The following CPM variants were observed in gnomAD, a reference collection of about 807,000 sequenced individuals.
The protein encoded by CPM is carboxypeptidase M.
CPM carries 35 observed loss-of-function variants against 46.4 expected under a neutral mutation model. The ratio of observed to expected loss-of-function variants is 0.75; its 90% CI spans 0.58 to 1.00. CPM has a LOEUF of 1.00. CPM is among the 50% of genes least tolerant of loss of function. The pLI, the probability that CPM is intolerant of heterozygous loss-of-function variation, is 0.00. For missense variants in CPM, 422 were observed against 530.4 expected, an observed-to-expected ratio of 0.80 and a Z score of 2.01; for synonymous variants, 195 against 195.3, an observed-to-expected ratio of 1.00 and a Z score of 0.01.
intron 2 of CPM, among the ~76,000 whole-genome samples, chr12:68,915,316 C>T (rs1010512478): frequency 1.3e-5 from 2 of 152,148 alleles, no homozygotes; most frequent in Admixed American, 6.6e-5. Context: ...CATTAGAAAT[C>T]GTCATCAAAT....
At chr12:68,876,917 T>TGAGA (rs1309934232) in intron 3 of CPM, among the ~76,000 whole-genome samples, 1 of 50,440 alleles carries the variant, frequency 2.0e-5, no homozygotes, top group Non-Finnish European at 6.5e-5. Context: ...TGTGTGTGTG[T>TGAGA]GTGAGAGAGA....
intron 3 of CPM, among the ~76,000 whole-genome samples, chr12:68,882,964 T>G (rs1321659900): frequency 6.6e-6 from 1 of 152,254 alleles, no homozygotes; most frequent in African/African-American, 2.4e-5. Flanking sequence ...GTCTCCCTGA[T>G]GCAGCTGATG....
At chr12:68,872,603 T>C (rs913933668) in intron 3 of CPM, among the ~76,000 whole-genome samples, 1 of 152,132 alleles carries the variant, frequency 6.6e-6, no homozygotes, top group African/African-American at 2.4e-5. Context: ...CCAAAGTATC[T>C]TCTGGAGTGG....
chr12:68,899,278 A>T (rs1887017151), intron 2 of CPM, among the ~76,000 whole-genome samples: 1 of 152,240 alleles, frequency 6.6e-6, no homozygotes, highest in Non-Finnish European at 1.5e-5. Flanking sequence ...TTACTTTTTC[A>T]ACTCCAAGGA....
intron 1 of CPM, among the ~76,000 whole-genome samples, chr12:68,946,537 G>A (rs2136333092): frequency 1.3e-5 from 2 of 152,266 alleles, no homozygotes; most frequent in East Asian, 3.9e-4. Context: ...CTATCAGAAA[G>A]GGACATTTTT....
At chr12:68,868,096 C>G (rs1168663504) in intron 6 of CPM, among the ~76,000 whole-genome samples, 1 of 152,184 alleles carries the variant, frequency 6.6e-6, no homozygotes, top group African/African-American at 2.4e-5. Context: ...TAGCTAATTT[C>G]CTACACATCT....
chr12:68,885,262 T>C (rs1261428493), intron 3 of CPM, among the ~76,000 whole-genome samples: 1 of 152,070 alleles, frequency 6.6e-6, no homozygotes, highest in African/African-American at 2.4e-5. Flanking sequence ...TGTTGAATGG[T>C]GAGTAGGAGA....
At position 68,852,631 on chromosome 12, in the gene CPM, AC is replaced by A. The variant is rs1183469470; in HGVS notation, c.*3805del. ...CAGTGCAGTGATGTGATCTTGGCTC[AC>A]TGCAACCTCTGCCTTCTGGGTTCAG... On this transcript the variant is annotated 3_prime_UTR_variant, in exon 9 of 9. Coordinates refer to ENST00000551568, the MANE Select transcript of CPM (RefSeq NM_198320.5). 6.7e-6 allele frequency: 1 copy of A among 149,944 alleles called. No homozygotes were observed. Among genetic ancestry groups the A allele is most frequent in the Non-Finnish European group, 1.5e-5 (1 of 67,798 alleles). The allele number at this position is 149,944 out of a possible 1,614,324, so 9.3% of individuals were successfully genotyped here. A position where few individuals can be genotyped will look rare whatever the true frequency, so the allele number is the denominator to read the frequency against.
intron 1 of CPM, among the ~76,000 whole-genome samples, chr12:68,963,002 C>T (rs545797068): frequency 2.6e-5 from 4 of 152,356 alleles, no homozygotes; most frequent in African/African-American, 7.2e-5. Context: ...AAAACAAAGT[C>T]GTGGCCTGAC....
At chr12:68,916,520 GGTTT>G (rs1887810856) in intron 2 of CPM, among the ~76,000 whole-genome samples, 1 of 152,102 alleles carries the variant, frequency 6.6e-6, no homozygotes, top group African/African-American at 2.4e-5. Flanking sequence ...GTGGCGCTCT[GGTTT>G]ATTTACCCTG....
intron 3 of CPM, among the ~76,000 whole-genome samples, chr12:68,875,432 T>C (rs1885905652): frequency 6.6e-6 from 1 of 152,146 alleles, no homozygotes; most frequent in Non-Finnish European, 1.5e-5. Flanking sequence ...CATAAAATAC[T>C]ATCAAAAGTT....
At chr12:68,874,714 G>A (rs1380084789) in intron 3 of CPM, among the ~76,000 whole-genome samples, 1 of 152,188 alleles carries the variant, frequency 6.6e-6, no homozygotes, top group African/African-American at 2.4e-5. Context: ...AAGTGACCAG[G>A]AGTCCCATAG....
At chr12:68,863,716 GC>G (rs1000092329) in intron 7 of CPM, among the ~76,000 whole-genome samples, 8 of 152,146 alleles carry the variant, frequency 5.3e-5, no homozygotes, top group Non-Finnish European at 8.8e-5. Context: ...TCTTGGCAAG[GC>G]CCTTCCACTA....
downstream of CPM, chr12:68,847,196 T>TATATATATATATATATATA (rs1884363867): frequency 7.6e-5 from 7 of 92,080 alleles, 1 homozygote; most frequent in Non-Finnish European, 1.5e-4. Context: ...TGTGTGTACA[T>TATATATATATATATATATA]TATATATATA....
intron 1 of CPM, among the ~76,000 whole-genome samples, chr12:68,944,254 G>A (rs953731062): frequency 1.3e-5 from 2 of 152,102 alleles, no homozygotes; most frequent in Non-Finnish European, 2.9e-5. Context: ...TGAATACCAT[G>A]GTGTAAAAGA....
intron 3 of CPM, among the ~76,000 whole-genome samples, chr12:68,876,919 TGA>T (rs934166312): frequency 2.8e-3 from 186 of 66,024 alleles, no homozygotes; most frequent in African/African-American, 7.3e-3. Context: ...TGTGTGTGTG[TGA>T]GAGAGAGAGA....
chr12:68,931,769 AAGAAAGAAAG>A (rs1565804309), intron 2 of CPM, among the ~76,000 whole-genome samples: 7 of 144,218 alleles, frequency 4.9e-5, no homozygotes, highest in African/African-American at 1.8e-4. Flanking sequence ...AAAAAAAAGA[AAGAAAGAAAG>A]AAAGAAAGAA....
intron 3 of CPM, among the ~76,000 whole-genome samples, chr12:68,874,255 C>T (rs1885840471): frequency 6.6e-6 from 1 of 152,154 alleles, no homozygotes; most frequent in African/African-American, 2.4e-5. Context: ...CCTTGATGAG[C>T]TACTTATGAC....
At position 68,870,412 on chromosome 12, in the gene CPM, G is replaced by C. The variant is rs764074364; in HGVS notation, c.432-13C>G. 1 of 1,609,616 alleles carries C rather than the reference G, an allele frequency of 6.2e-7. No individual in the cohort carries two copies. Among genetic ancestry groups the C allele is most frequent in the Non-Finnish European group, 8.5e-7 (1 of 1,176,912 alleles). ...GTTATAATTTTCCCTTTAAAAGAAA[G>C]AATATTTTAGGGCTTATTGATAGGG... On this transcript the variant is annotated splice_polypyrimidine_tract_variant and intron_variant, in intron 4 of 8. Coordinates refer to ENST00000551568, the MANE Select transcript of CPM (RefSeq NM_198320.5).
Sources: allele counts gnomAD v4.1 joint callset (sites outside exome capture counted in the v4.1 genomes callset), GRCh38; gene constraint gnomAD v4.1.1; transcripts MANE v1.5; gene names NCBI Gene and HGNC (gene_info 2026-07-23, HGNC 2026-07-21).